RHEX: variants seen among roughly 807,000 people sequenced by gnomAD.
The protein encoded by RHEX is regulator of hemoglobinization and erythroid cell expansion protein.
A neutral mutation model predicts 20.1 loss-of-function variants in RHEX; 18 were observed. That is an observed-to-expected ratio of 0.90 (90% confidence interval 0.62 to 1.33). The LOEUF (loss-of-function observed/expected upper bound fraction) is 1.33. Among genes scored for constraint, RHEX ranks in the 40% most tolerant of loss-of-function variants. The pLI is 0.00. For synonymous variants in RHEX, 87 were observed against 77.1 expected (o/e 1.13, Z -0.67); for missense variants, 192 against 214.3 (o/e 0.90, Z 0.65).
At position 206,067,207 on chromosome 1, in the gene RHEX, T is replaced by G. The variant is rs546020431; in HGVS notation, c.-97+13942T>G. On this transcript the variant is annotated intron_variant, in intron 1 of 5. Transcript: ENST00000331555. The surrounding 1 kb of genome is among the most constrained non-coding windows in gnomAD (Gnocchi z 4.6). The stretch of plus-strand genomic sequence containing the variant: ...ATCAAAGCCAGGGAAACTTAAAGTT[T>G]TTCTGGGTGATCTGGGCCAAGAGGG... Among the ~76,000 whole-genome samples, 2 of 152,156 alleles carry G rather than the reference T, an allele frequency of 1.3e-5. No homozygotes were observed. The highest frequency in any genetic ancestry group is 2.9e-5 in the Non-Finnish European group (2 of 68,026).
intron 1 of RHEX, among the ~76,000 whole-genome samples, chr1:206,059,166 C>T (rs1553283004): frequency 6.6e-6 from 1 of 152,124 alleles, no homozygotes; most frequent in African/African-American, 2.4e-5. Flanking sequence ...ATACATCATG[C>T]CCTGTGACTT....
At chr1:206,059,424 C>T (rs1332678998) in intron 1 of RHEX, among the ~76,000 whole-genome samples, 2 of 152,168 alleles carry the variant, frequency 1.3e-5, no homozygotes, top group Admixed American at 1.3e-4. Context: ...TTCCCAGATG[C>T]TATTTATCCA....
At chr1:206,071,377 C>A (rs1384907095) in intron 1 of RHEX, among the ~76,000 whole-genome samples, 2 of 152,064 alleles carry the variant, frequency 1.3e-5, no homozygotes, top group African/African-American at 4.8e-5. Flanking sequence ...TCTGCTTCTC[C>A]CAGTCCACTG....
At chr1:206,085,453 A>G (rs1309347105) in intron 1 of RHEX, among the ~76,000 whole-genome samples, 2 of 152,222 alleles carry the variant, frequency 1.3e-5, no homozygotes, top group African/African-American at 4.8e-5. Context: ...CTTTGTGGGA[A>G]CTAGCAAAAT....
At chr1:206,094,641 C>A (rs1465476576) in intron 1 of RHEX, among the ~76,000 whole-genome samples, 5 of 152,114 alleles carry the variant, frequency 3.3e-5, no homozygotes, top group Admixed American at 3.3e-4. Flanking sequence ...TAGAAGGGAA[C>A]TGAACTGAAA....
chr1:206,099,508 G>A (rs1311773640), intron 3 of RHEX, 147 bp from the exon 4 acceptor site: 5 of 649,612 alleles, frequency 7.7e-6, no homozygotes, highest in East Asian at 5.7e-5. Flanking sequence ...TAGTAGAGAT[G>A]GGGTTTCACC....
intron 1 of RHEX, among the ~76,000 whole-genome samples, chr1:206,076,446 A>C (rs879986336): frequency 3.3e-5 from 5 of 152,260 alleles, no homozygotes; most frequent in Non-Finnish European, 7.3e-5. Context: ...GATTACAGGC[A>C]TAAGCCACTG....
chr1:206,072,628 C>T (rs1158706836), intron 1 of RHEX, among the ~76,000 whole-genome samples: 2 of 152,062 alleles, frequency 1.3e-5, no homozygotes, highest in Non-Finnish European at 2.9e-5. Context: ...ACCATATTCC[C>T]GTAATGTACT....
chr1:206,091,561 G>T (rs1230225310), intron 1 of RHEX, among the ~76,000 whole-genome samples: 1 of 152,088 alleles, frequency 6.6e-6, no homozygotes, highest in Non-Finnish European at 1.5e-5. Flanking sequence ...TTAAAAATTT[G>T]CCCTATCAAT....
intron 1 of RHEX, among the ~76,000 whole-genome samples, chr1:206,079,467 C>G (rs1424643421): frequency 3.9e-5 from 6 of 152,140 alleles, no homozygotes; most frequent in Admixed American, 3.9e-4. Context: ...GTACCCATCA[C>G]AGTGTAGTTG....
intron 1 of RHEX, among the ~76,000 whole-genome samples, chr1:206,057,358 G>C (rs551298191): frequency 6.6e-6 from 1 of 152,368 alleles, no homozygotes; most frequent in East Asian, 1.9e-4. Context: ...TTTGGGTTCT[G>C]AAAGTCTTAT....
chr1:206,076,463 G>A (rs537814078), intron 1 of RHEX, among the ~76,000 whole-genome samples: 21 of 152,348 alleles, frequency 1.4e-4, no homozygotes, highest in African/African-American at 4.6e-4. Context: ...ACTGCACCCA[G>A]CCCAGGGACA....
rs1295448147 is a variant in RHEX, at chr1:206,067,858, C to A, written c.-97+14593C>A. On this transcript the variant is annotated intron_variant, in intron 1 of 5. Coordinates refer to ENST00000331555, the MANE Select transcript of RHEX (RefSeq NM_001007544.4). This position sits in a 1 kb window ranked among gnomAD's most constrained non-coding sequence, Gnocchi z 4.6. ...TAACTCACTACTGTCTTGGTAAATT[C>A]TTTTACCATCTGTGACGCCAGCCCC... 1.3e-5 allele frequency among the ~76,000 whole-genome samples: 2 copies of A among 152,186 alleles called. No homozygotes were observed. Among genetic ancestry groups the A allele is most frequent in the Non-Finnish European group, 2.9e-5 (2 of 68,032 alleles).
chr1:206,098,047 ATC>A (rs781841317), intron 2 of RHEX, 32 bp from the exon 3 acceptor site: 8 of 1,518,456 alleles, frequency 5.3e-6, no homozygotes, highest in Non-Finnish European at 7.3e-6. Context: ...CATCCTTGCA[ATC>A]TCTGACTTTG....
chr1:206,064,835 G>A (rs965015949), intron 1 of RHEX, among the ~76,000 whole-genome samples: 3 of 152,118 alleles, frequency 2.0e-5, no homozygotes, highest in African/African-American at 7.2e-5. Flanking sequence ...GGAATAGAGA[G>A]TGGGGAAAGG....
chr1:206,058,241 T>C (rs1553282862), intron 1 of RHEX, among the ~76,000 whole-genome samples: 1 of 152,238 alleles, frequency 6.6e-6, no homozygotes, highest in African/African-American at 2.4e-5. Context: ...TGCTTACTGC[T>C]CCCTTGTCTG....
chr1:206,063,785 C>T (rs1367861115), intron 1 of RHEX, among the ~76,000 whole-genome samples: 1 of 152,194 alleles, frequency 6.6e-6, no homozygotes, highest in Admixed American at 6.5e-5. Flanking sequence ...CCCAAAGTGC[C>T]GAGATTGCAG....
chr1:206,094,938 G>A (rs1302470959), intron 1 of RHEX, among the ~76,000 whole-genome samples: 1 of 152,152 alleles, frequency 6.6e-6, no homozygotes, highest in Non-Finnish European at 1.5e-5. Context: ...CAAATTCAGT[G>A]ATTCTCAACT....
chr1:206,094,428 T>C (rs1184087207), intron 1 of RHEX, among the ~76,000 whole-genome samples: 1 of 152,222 alleles, frequency 6.6e-6, no homozygotes, highest in Non-Finnish European at 1.5e-5. Context: ...CTAGTCACCA[T>C]CGTGGTGGAG....
Sources: gnomAD v4.1 joint callset for allele counts (sites outside exome capture counted in the v4.1 genomes callset) on GRCh38, gnomAD v4.1.1 for gene constraint, Gnocchi (gnomAD v3.1) non-coding constraint, MANE v1.5 for transcripts, NCBI Gene and HGNC (gene_info 2026-07-23, HGNC 2026-07-21) for gene names.